HTT: variants seen among roughly 807,000 people sequenced by gnomAD.
The protein encoded by HTT is huntingtin.
A neutral mutation model predicts 362.3 loss-of-function variants in HTT; 104 were observed. The ratio of observed to expected loss-of-function variants is 0.29; its 90% CI spans 0.24 to 0.34. The LOEUF (loss-of-function observed/expected upper bound fraction) is 0.34. Among genes scored for constraint, HTT ranks in the 10% least tolerant of loss-of-function variants. HTT has a pLI of 1.00. For synonymous variants in HTT, 1,577 were observed against 1,548.7 expected (o/e 1.02, Z -0.43); for missense variants, 3,301 against 3,928.6 (o/e 0.84, Z 4.27).
At chr4:3,112,737 A>C (rs905207516) in intron 6 of HTT, among the ~76,000 whole-genome samples, 1 of 152,176 alleles carries the variant, frequency 6.6e-6, no homozygotes, top group African/African-American at 2.4e-5. Context: ...TTTGGAGTAC[A>C]TGTGCAGGTT....
At chr4:3,096,251 A>G (rs1185309343) in intron 2 of HTT, among the ~76,000 whole-genome samples, 1 of 152,254 alleles carries the variant, frequency 6.6e-6, no homozygotes, top group Non-Finnish European at 1.5e-5. Flanking sequence ...CAGAACTACA[A>G]GTAGAAACAG....
intron 29 of HTT, among the ~76,000 whole-genome samples, chr4:3,167,021 C>T (rs575298831): frequency 1.0e-4 from 15 of 150,722 alleles, no homozygotes; most frequent in African/African-American, 2.4e-4. Flanking sequence ...TCTTCTGTGT[C>T]GATCTCACTG....
chr4:3,204,865 C>A (rs1422906359), intron 42 of HTT, among the ~76,000 whole-genome samples: 4 of 151,988 alleles, frequency 2.6e-5, no homozygotes, highest in African/African-American at 7.3e-5. Flanking sequence ...TGCCTGTGGT[C>A]CCAGCCACCT....
At chr4:3,129,644 G>A (rs1715705177) in intron 12 of HTT, 1 of 285,152 alleles carries the variant, frequency 3.5e-6, no homozygotes, top group African/African-American at 2.2e-5. Flanking sequence ...ATTTTTGTAT[G>A]GGTTTTTTCT....
Position 3,105,408 on chromosome 4 carries a change from G to A in HTT, c.580G>A (p.Ala194Thr). The A allele has an allele frequency of 6.2e-7, 1 of 1,613,926 alleles. No individual in the cohort carries two copies. Among genetic ancestry groups the A allele is most frequent in the Non-Finnish European group, 8.5e-7 (1 of 1,179,834 alleles). The change falls in exon 5 of 67, where the codon GCT (alanine) becomes ACT (threonine). Residue 194 changes from alanine to threonine, a missense_variant. Physicochemically the swap from Ala to Thr is moderately conservative, Grantham distance 58. Transcript: ENST00000355072. ...RAALWRFAEL[A>T]HLVRPQKCRP... is the part of the protein sequence containing the mutation. ...TGCCCTGTGGAGGTTTGCTGAGCTG[G>A]CTCACCTGGTTCGGCCTCAGAAATG...
intron 26 of HTT, among the ~76,000 whole-genome samples, chr4:3,149,092 TG>T (rs908193301): frequency 2.6e-5 from 4 of 152,218 alleles, no homozygotes; most frequent in Non-Finnish European, 5.9e-5. Context: ...TTGATGTTCC[TG>T]GCCAAGTACC....
chr4:3,107,987 TG>T (rs1714525791), intron 6 of HTT, among the ~76,000 whole-genome samples: 1 of 152,150 alleles, frequency 6.6e-6, no homozygotes, highest in African/African-American at 2.4e-5. Flanking sequence ...TCCTGGGAGG[TG>T]ATGATACACA....
intron 37 of HTT, 62 bp from the exon 38 acceptor site, chr4:3,186,535 G>A: frequency 6.3e-7 from 1 of 1,587,810 alleles, no homozygotes; most frequent in Non-Finnish European, 8.6e-7. Flanking sequence ...CATAGCTGGT[G>A]TACAGGAAGC....
At chr4:3,204,493 G>A (rs1719755534) in intron 42 of HTT, among the ~76,000 whole-genome samples, 1 of 152,174 alleles carries the variant, frequency 6.6e-6, no homozygotes, top group Non-Finnish European at 1.5e-5. Flanking sequence ...AAAAAACAAA[G>A]TAAGTGCATT....
In HTT at chr4:3,233,219, C is replaced by T. The variant is rs1222267238; in HGVS notation, c.8322C>T (p.Ser2774=). Residue 2774 remains serine (S), a synonymous_variant, in exon 61 of 67, where the codon AGC becomes AGT. Coordinates refer to ENST00000355072, the MANE Select transcript of HTT (RefSeq NM_001388492.1). The part of the protein sequence containing the change: ...SRLLESTLRS[S]HLPSRVGALH... ...TGCTGGAGAGCACGCTCAGGAGCAG[C>T]CACCTGCCCAGCAGGGTTGGAGCCC... 20 of 1,602,056 alleles carry T rather than the reference C, an allele frequency of 1.2e-5. No homozygotes were observed. The highest frequency in any genetic ancestry group is 1.6e-5 in the Non-Finnish European group (19 of 1,170,672).
chr4:3,210,168 G>A (rs1464324087), intron 47 of HTT, among the ~76,000 whole-genome samples: 1 of 152,138 alleles, frequency 6.6e-6, no homozygotes, highest in East Asian at 1.9e-4. Context: ...TATGCTGATC[G>A]AGACAGAAAA....
At chr4:3,193,731 T>A (rs1719123940) in intron 40 of HTT, among the ~76,000 whole-genome samples, 1 of 152,228 alleles carries the variant, frequency 6.6e-6, no homozygotes, top group South Asian at 2.1e-4. Context: ...TCTGATTGGA[T>A]AGCTTAATTT....
chr4:3,156,971 T>C (rs553948948), intron 27 of HTT, 101 bp from the exon 28 acceptor site: 9 of 936,116 alleles, frequency 9.6e-6, no homozygotes, highest in Middle Eastern at 2.7e-4. Context: ...AATATTTTCA[T>C]ACTAGAATAC....
At chr4:3,097,871 A>G (rs1713935606) in intron 2 of HTT, among the ~76,000 whole-genome samples, 1 of 152,216 alleles carries the variant, frequency 6.6e-6, no homozygotes, top group Non-Finnish European at 1.5e-5. Flanking sequence ...ATGGTATACG[A>G]ACTTTTTCAA....
rs1334156538 is a variant in HTT at position 3,212,726 on chromosome 4, G to C, written c.6774+17G>C. 3 of 1,614,070 alleles carry C rather than the reference G, an allele frequency of 1.9e-6. No individual in the cohort carries two copies. The East Asian group carries it at 6.7e-5, about 36-fold the overall frequency. On this transcript the variant is annotated intron_variant, in intron 49 of 66. Coordinates refer to ENST00000355072, the MANE Select transcript of HTT (RefSeq NM_001388492.1). ...ACCCTTGAGGTAAGAGGCAGCTCGG[G>C]AGCTCAGTGTTGCTGTGGGGAGGGG...
At chr4:3,091,223 A>G (rs892753995) in intron 2 of HTT, among the ~76,000 whole-genome samples, 2 of 152,314 alleles carry the variant, frequency 1.3e-5, no homozygotes, top group East Asian at 1.9e-4. Context: ...CAGAAAGAAG[A>G]GTGTATGTGT....
In HTT at chr4:3,160,381, G is replaced by A. The variant is rs1312264462; in HGVS notation, c.3853G>A (p.Asp1285Asn). ...GATACTAGAGCTGGCCACACTGCAG[G>A]ACATTGGGAAGGTTTGTGTCTTGTT... is the stretch of plus-strand genomic sequence containing the variant. ...SQILELATLQDIGKCVEEILG... is the reference protein window; with the variant it reads ...SQILELATLQNIGKCVEEILG... Residue 1285 changes from aspartate (D) to asparagine (N), a missense_variant, in exon 29 of 67, where the codon GAC becomes AAC. Asp to Asn is a conservative substitution (Grantham distance 23). Around this residue, in one of 4 missense-constraint regions of HTT, gnomAD observed 2,316 missense variants for 2,658.5 expected, o/e 0.87. Coordinates refer to ENST00000355072, the MANE Select transcript of HTT (RefSeq NM_001388492.1). 1.3e-6 allele frequency: 2 copies of A among 1,549,876 alleles called. No homozygotes were observed. Among genetic ancestry groups the A allele is most frequent in the Non-Finnish European group, 1.7e-6 (2 of 1,143,838 alleles).
At position 3,216,807 on chromosome 4, in the gene HTT, C is replaced by T. The variant is rs953394849; in HGVS notation, c.7055-958C>T. On this transcript the variant is annotated intron_variant, in intron 51 of 66. Coordinates refer to ENST00000355072, the MANE Select transcript of HTT (RefSeq NM_001388492.1). ...TTGGGAGGCCGAGGCGGGCGGATCA[C>T]GAGGTCAGGAGATCGAGACCATCCC... Among the ~76,000 whole-genome samples the T allele has an allele frequency of 3.9e-5, 6 of 152,022 alleles. No individual in the cohort carries two copies. In the South Asian group the frequency reaches 6.2e-4, roughly 16 times the overall value.
Position 3,087,038 on chromosome 4 carries a change from A to G in HTT, c.347+16A>G, listed in dbSNP as rs368249381. The G allele has an allele frequency of 3.1e-5, 45 of 1,433,368 alleles. No individual in the cohort carries two copies. Among genetic ancestry groups the G allele is most frequent in the Non-Finnish European group, 4.3e-5 (44 of 1,017,698 alleles). The allele number at this position is 1,433,368 out of a possible 1,614,324, so 88.8% of individuals were successfully genotyped here. A position where few individuals can be genotyped will look rare whatever the true frequency, so the allele number is the denominator to read the frequency against. On this transcript the variant is annotated intron_variant, in intron 2 of 66. Coordinates refer to ENST00000355072, the MANE Select transcript of HTT (RefSeq NM_001388492.1). ...AGTCTGTCAGGTAATTGCACTTTGA[A>G]CTGTCTAGAGAAAATAAGAACTTTG...
Sources: gnomAD v4.1 joint callset for allele counts (sites outside exome capture counted in the v4.1 genomes callset) on GRCh38, gnomAD v4.1.1 for gene constraint, gnomAD v4.1.1 regional missense constraint, MANE v1.5 for transcripts, NCBI Gene and HGNC (gene_info 2026-07-23, HGNC 2026-07-21) for gene names.